CPQ: variants seen among roughly 807,000 people sequenced by gnomAD.
The protein encoded by CPQ is carboxypeptidase Q.
In CPQ, 37 loss-of-function variants were observed where a neutral mutation model predicts 45.7. The ratio of observed to expected loss-of-function variants is 0.81; its 90% CI spans 0.62 to 1.07. The LOEUF (loss-of-function observed/expected upper bound fraction) is 1.07, where lower values mean the gene tolerates loss of function less well. CPQ is among the 50% of genes least tolerant of loss of function. The pLI is 0.00. For synonymous variants in CPQ, 186 were observed against 205.8 expected, an observed-to-expected ratio of 0.90 and a Z score of 0.82; for missense variants, 537 against 572.9, an observed-to-expected ratio of 0.94 and a Z score of 0.64.
chr8:97,074,286 A>G (rs1009530221), intron 7 of CPQ, among the ~76,000 whole-genome samples: 48 of 152,374 alleles, frequency 3.2e-4, no homozygotes, highest in African/African-American at 1.1e-3. Context: ...TATAAAATGT[A>G]TCCAGTAAAT....
At chr8:96,673,071 G>A (rs751102085) in intron 1 of CPQ, among the ~76,000 whole-genome samples, 5 of 152,162 alleles carry the variant, frequency 3.3e-5, no homozygotes, top group Non-Finnish European at 5.9e-5. Flanking sequence ...AGAGGCTAGA[G>A]TGACTGGAGC....
At chr8:96,737,353 G>GATATATATATATATATATAT (rs1277946599) in intron 1 of CPQ, among the ~76,000 whole-genome samples, 1 of 43,354 alleles carries the variant, frequency 2.3e-5, no homozygotes, top group African/African-American at 6.6e-5. Context: ...GAACTAATAG[G>GATATATATATATATATATAT]AGATATATAT....
At chr8:96,743,951 G>A (rs1200121769) in intron 1 of CPQ, among the ~76,000 whole-genome samples, 2 of 152,246 alleles carry the variant, frequency 1.3e-5, no homozygotes, top group Non-Finnish European at 2.9e-5. Context: ...CCTGCCCCCA[G>A]AGGTGGAGCC....
chr8:96,665,582 G>A (rs1255076778), intron 1 of CPQ, among the ~76,000 whole-genome samples: 8 of 152,224 alleles, frequency 5.3e-5, no homozygotes, highest in Admixed American at 3.9e-4. Context: ...ATGGTTTCAA[G>A]TGAAAGTAAT....
chr8:96,695,302 A>G (rs1472095943), intron 1 of CPQ, among the ~76,000 whole-genome samples: 2 of 146,658 alleles, frequency 1.4e-5, no homozygotes, highest in African/African-American at 5.1e-5. Flanking sequence ...AGATGGATTA[A>G]AGACTTAAAC....
intron 4 of CPQ, among the ~76,000 whole-genome samples, chr8:96,885,166 A>G (rs566508774): frequency 5.9e-5 from 9 of 152,360 alleles, no homozygotes; most frequent in African/African-American, 2.2e-4. Flanking sequence ...AAGGAACTTC[A>G]TGCTGCATCA....
At chr8:96,861,081 C>A (rs974606854) in intron 3 of CPQ, among the ~76,000 whole-genome samples, 2 of 152,226 alleles carry the variant, frequency 1.3e-5, no homozygotes, top group South Asian at 2.1e-4. Flanking sequence ...TGTTAAATCT[C>A]TCTTATGCAT....
At chr8:96,699,523 G>T (rs1429517766) in intron 1 of CPQ, among the ~76,000 whole-genome samples, 1 of 152,128 alleles carries the variant, frequency 6.6e-6, no homozygotes, top group African/African-American at 2.4e-5. Context: ...ATAAATGCTT[G>T]AGGTGATAGA....
intron 4 of CPQ, among the ~76,000 whole-genome samples, chr8:96,935,453 C>T (rs1170349917): frequency 6.6e-6 from 1 of 152,144 alleles, no homozygotes; most frequent in Non-Finnish European, 1.5e-5. Flanking sequence ...TCAGTCTCAC[C>T]CAAACCATGG....
intron 4 of CPQ, among the ~76,000 whole-genome samples, chr8:96,946,424 T>G (rs1183310949): frequency 6.6e-6 from 1 of 151,108 alleles, no homozygotes; most frequent in African/African-American, 2.5e-5. Flanking sequence ...TAAATCTGTT[T>G]GGGAGTGTTT....
chr8:96,692,005 A>G (rs1809310865), intron 1 of CPQ, among the ~76,000 whole-genome samples: 1 of 152,260 alleles, frequency 6.6e-6, no homozygotes, highest in Admixed American at 6.5e-5. Flanking sequence ...ATAATTAAAT[A>G]AGACAATAAT....
intron 6 of CPQ, among the ~76,000 whole-genome samples, chr8:97,047,501 C>T (rs73281760): frequency 0.021 from 3,124 of 152,266 alleles, 101 homozygotes; most frequent in African/African-American, 0.07. Flanking sequence ...ATACAATGGC[C>T]AAAGGATATT....
At position 96,676,156 on chromosome 8, in the gene CPQ, G is replaced by T. The variant is rs145996766; in HGVS notation, c.-35+30754G>T. On this transcript the variant is annotated intron_variant, in intron 1 of 7. Coordinates refer to ENST00000220763, the MANE Select transcript of CPQ (RefSeq NM_016134.4). ...ACATTTCAATTCTTTTAGCAATTTT[G>T]AAATAATAAATTATTATTACTATGT... Among the ~76,000 whole-genome samples the T allele has an allele frequency of 6.1e-4, 93 of 151,896 alleles. 1 individual carries two copies. Among genetic ancestry groups the T allele is most frequent in the Admixed American group, 5.7e-3 (87 of 15,226 alleles).
chr8:96,953,596 C>T (rs986793194), intron 4 of CPQ, among the ~76,000 whole-genome samples: 2 of 152,108 alleles, frequency 1.3e-5, no homozygotes, highest in Non-Finnish European at 2.9e-5. Context: ...TTTCCAAACT[C>T]TTTCCTCAGG....
At chr8:96,646,753 T>C (rs1815523368) in intron 1 of CPQ, among the ~76,000 whole-genome samples, 1 of 152,190 alleles carries the variant, frequency 6.6e-6, no homozygotes, top group African/African-American at 2.4e-5. Context: ...TGGGATTCTT[T>C]TGTATCAGGG....
chr8:97,010,246 A>G (rs1398106734), intron 5 of CPQ, among the ~76,000 whole-genome samples: 1 of 152,128 alleles, frequency 6.6e-6, no homozygotes, highest in Non-Finnish European at 1.5e-5. Context: ...TTGCTTTCGT[A>G]TGTCAGAGAA....
At chr8:96,942,471 T>TG (rs1466774510) in intron 4 of CPQ, among the ~76,000 whole-genome samples, 1 of 152,144 alleles carries the variant, frequency 6.6e-6, no homozygotes, top group Non-Finnish European at 1.5e-5. Context: ...GAGGCTGGGT[T>TG]GGGTGCAGGG....
chr8:96,747,000 AT>A (rs749200343), intron 1 of CPQ, among the ~76,000 whole-genome samples: 12 of 152,118 alleles, frequency 7.9e-5, no homozygotes, highest in Non-Finnish European at 1.6e-4. Context: ...TGTATTTAAA[AT>A]TTGTTTGGGC....
chr8:96,814,749 T>C (rs1322826101), intron 2 of CPQ, among the ~76,000 whole-genome samples: 1 of 152,066 alleles, frequency 6.6e-6, no homozygotes, highest in African/African-American at 2.4e-5. Flanking sequence ...CTGCATGCAA[T>C]ACAAGGACAA....
Sources: gnomAD v4.1 joint callset for allele counts (sites outside exome capture counted in the v4.1 genomes callset) on GRCh38, gnomAD v4.1.1 for gene constraint, MANE v1.5 for transcripts, NCBI Gene and HGNC (gene_info 2026-07-23, HGNC 2026-07-21) for gene names.